The following GAS2 variants were observed in gnomAD, a reference collection of about 807,000 sequenced individuals.
GAS2 encodes the protein growth arrest specific 2.
GAS2 carries 20 observed loss-of-function variants against 37.5 expected under a neutral mutation model. The ratio of observed to expected loss-of-function variants is 0.53; its 90% CI spans 0.37 to 0.77. GAS2 has a LOEUF of 0.77. Ranked by LOEUF, GAS2 falls within the 30% of genes least tolerant of loss-of-function variation. The pLI is 0.00. For synonymous variants in GAS2, 144 were observed against 132.2 expected, an observed-to-expected ratio of 1.09 and a Z score of -0.61; for missense variants, 336 against 373.4, an observed-to-expected ratio of 0.90 and a Z score of 0.82.
chr11:22,637,618 A>C (rs1235533071), intron 1 of GAS2, among the ~76,000 whole-genome samples: 2 of 130,834 alleles, frequency 1.5e-5, no homozygotes, highest in East Asian at 4.4e-4. Flanking sequence ...AATATTAATT[A>C]TATTAATATT....
chr11:22,728,880 T>C (rs1852340803), intron 4 of GAS2, among the ~76,000 whole-genome samples: 2 of 151,794 alleles, frequency 1.3e-5, no homozygotes, highest in African/African-American at 4.8e-5. Context: ...CTTTTTTTTT[T>C]TTTTAATTAT....
chr11:22,801,271 G>A (rs1272593839), intron 7 of GAS2, among the ~76,000 whole-genome samples: 2 of 152,004 alleles, frequency 1.3e-5, no homozygotes, highest in Non-Finnish European at 2.9e-5. Flanking sequence ...TGATACTGCA[G>A]TGACCTCCCC....
At chr11:22,721,547 C>G (rs879597559) in intron 3 of GAS2, among the ~76,000 whole-genome samples, 1 of 151,902 alleles carries the variant, frequency 6.6e-6, no homozygotes, top group South Asian at 2.1e-4. Context: ...TTATAAAACT[C>G]CAAATTATAA....
intron 7 of GAS2, among the ~76,000 whole-genome samples, chr11:22,805,906 C>T (rs1017872725): frequency 6.6e-6 from 1 of 152,008 alleles, no homozygotes; most frequent in Non-Finnish European, 1.5e-5. Flanking sequence ...GTGGGAGTGT[C>T]CAGTGAGGAT....
chr11:22,733,356 C>A (rs1235467019), intron 4 of GAS2, among the ~76,000 whole-genome samples: 1 of 151,568 alleles, frequency 6.6e-6, no homozygotes, highest in Non-Finnish European at 1.5e-5. Context: ...AACATTTATC[C>A]TAAAGTATAT....
intron 3 of GAS2, among the ~76,000 whole-genome samples, chr11:22,689,357 T>G (rs942562895): frequency 1.3e-5 from 2 of 152,206 alleles, no homozygotes; most frequent in East Asian, 3.9e-4. Flanking sequence ...AGGTAAAAGT[T>G]GACACAGTTG....
chr11:22,671,430 T>G (rs1590601058), intron 1 of GAS2, among the ~76,000 whole-genome samples: 2 of 152,126 alleles, frequency 1.3e-5, no homozygotes, highest in Admixed American at 1.3e-4. Context: ...AAGTTACTTA[T>G]CAAGCTTTTA....
intron 1 of GAS2, among the ~76,000 whole-genome samples, chr11:22,650,932 T>C (rs1487500531): frequency 6.6e-6 from 1 of 151,820 alleles, no homozygotes; most frequent in Non-Finnish European, 1.5e-5. Context: ...AAAGTTAATA[T>C]TGTTATGTGT....
rs376844198 is a variant in GAS2, at chr11:22,716,515, C to T, written c.268-9777C>T. Reference sequence around the variant, plus strand: ...TTTAGTCAGGCACCATGACACACACCTATAATCGCACCTACAAGGGAGGCT... The same window carrying T: ...TTTAGTCAGGCACCATGACACACACTTATAATCGCACCTACAAGGGAGGCT... On this transcript the variant is annotated intron_variant, in intron 3 of 7. Transcript: ENST00000454584. Among the ~76,000 whole-genome samples, 210 of 151,974 alleles carry T rather than the reference C, an allele frequency of 1.4e-3. 1 individual carries two copies. Among genetic ancestry groups the T allele is most frequent in the African/African-American group, 4.9e-3 (202 of 41,446 alleles).
chr11:22,727,850 T>C (rs2134173700), intron 4 of GAS2, among the ~76,000 whole-genome samples: 1 of 151,896 alleles, frequency 6.6e-6, no homozygotes, highest in East Asian at 1.9e-4. Context: ...ACCATGCGAG[T>C]GGAGGATTAT....
At chr11:22,725,443 T>G (rs1328688820) in intron 3 of GAS2, among the ~76,000 whole-genome samples, 1 of 152,110 alleles carries the variant, frequency 6.6e-6, no homozygotes, top group African/African-American at 2.4e-5. Flanking sequence ...AATGTTATAT[T>G]TTTGATAGAA....
At chr11:22,715,116 A>T (rs1851600957) in intron 3 of GAS2, among the ~76,000 whole-genome samples, 1 of 152,194 alleles carries the variant, frequency 6.6e-6, no homozygotes, top group Non-Finnish European at 1.5e-5. Flanking sequence ...ATAGACTGTT[A>T]ATGAGATTAA....
chr11:22,777,950 T>A (rs1855347762), intron 7 of GAS2, among the ~76,000 whole-genome samples: 1 of 152,168 alleles, frequency 6.6e-6, no homozygotes. Context: ...ATATGCTATG[T>A]GCATTCACAA....
intron 7 of GAS2, among the ~76,000 whole-genome samples, chr11:22,769,846 G>A (rs1854884514): frequency 6.6e-6 from 1 of 152,194 alleles, no homozygotes; most frequent in Admixed American, 6.5e-5. Context: ...GAAAGTGGTA[G>A]AGTAGAAAAG....
At chr11:22,762,370 GA>G (rs1854438450) in intron 7 of GAS2, among the ~76,000 whole-genome samples, 1 of 151,942 alleles carries the variant, frequency 6.6e-6, no homozygotes. Context: ...ATACAACTTG[GA>G]AATTGTTTTT....
At chr11:22,802,210 A>G (rs1856692891) in intron 7 of GAS2, among the ~76,000 whole-genome samples, 1 of 152,060 alleles carries the variant, frequency 6.6e-6, no homozygotes, top group East Asian at 1.9e-4. Flanking sequence ...TCACAAGGAC[A>G]GAAAACCAAA....
At chr11:22,685,862 A>G in intron 3 of GAS2, 73 bp downstream of exon 3, 1 of 1,465,666 alleles carries the variant, frequency 6.8e-7, no homozygotes, top group Non-Finnish European at 9.2e-7. Flanking sequence ...ATTGTGTGTA[A>G]TTAAAAAATT....
chr11:22,652,366 G>T (rs147866709), intron 1 of GAS2, among the ~76,000 whole-genome samples: 1 of 152,202 alleles, frequency 6.6e-6, no homozygotes. Flanking sequence ...GATTACTGCT[G>T]TCTTTTTGTT....
intron 3 of GAS2, among the ~76,000 whole-genome samples, chr11:22,697,675 G>T (rs967800234): frequency 4.6e-5 from 7 of 152,082 alleles, no homozygotes; most frequent in Admixed American, 4.6e-4. Context: ...TTGTAATTTG[G>T]ATTCCTAGGT....
Sources: allele counts gnomAD v4.1 joint callset (sites outside exome capture counted in the v4.1 genomes callset), GRCh38; gene constraint gnomAD v4.1.1; transcripts MANE v1.5; gene names NCBI Gene and HGNC (gene_info 2026-07-23, HGNC 2026-07-21).